Variants in LYPD6B observed in about 807,000 individuals in gnomAD.
The protein encoded by LYPD6B is ly6/PLAUR domain-containing protein 6B.
In LYPD6B, 17 loss-of-function variants were observed where a neutral mutation model predicts 22.8. The ratio of observed to expected loss-of-function variants is 0.75; its 90% CI spans 0.51 to 1.12. LYPD6B has a LOEUF of 1.12. Ranked by LOEUF, LYPD6B falls within the 50% of genes most tolerant of loss-of-function variation. The pLI is 0.00. For missense variants in LYPD6B, 221 were observed against 258.3 expected (o/e 0.86, Z 0.99); for synonymous variants, 106 against 91.6 (o/e 1.16, Z -0.90).
chr2:149,062,582 T>C (rs1684138527), intron 1 of LYPD6B, among the ~76,000 whole-genome samples: 1 of 152,148 alleles, frequency 6.6e-6, no homozygotes, highest in African/African-American at 2.4e-5. Flanking sequence ...GCCAAATGTA[T>C]ACCTGAGAAG....
intron 2 of LYPD6B, among the ~76,000 whole-genome samples, chr2:149,146,934 G>A (rs1297409765): frequency 2.6e-5 from 4 of 152,180 alleles, no homozygotes; most frequent in Non-Finnish European, 5.9e-5. Context: ...GAAAGTCGAG[G>A]TGCACACATG....
In LYPD6B at chr2:149,149,109, G is replaced by A. The variant is rs1689207450; in HGVS notation, c.6-11655G>A. On this transcript the variant is annotated intron_variant, in intron 2 of 6. Transcript: ENST00000409642. The stretch of plus-strand genomic sequence containing the variant: ...GGTGCGGGGAGGAAGAACATTCCAG[G>A]CATTTGGAGTTACGCAAGAATGACC... Among the ~76,000 whole-genome samples, 2 of 152,088 alleles carry A rather than the reference G, an allele frequency of 1.3e-5. 1 individual carries two copies. The highest frequency in any genetic ancestry group is 4.1e-4 in the South Asian group (2 of 4,820).
At chr2:149,087,230 T>A (rs1230485342) in intron 1 of LYPD6B, among the ~76,000 whole-genome samples, 1 of 152,154 alleles carries the variant, frequency 6.6e-6, no homozygotes, top group African/African-American at 2.4e-5. Context: ...TGTGCCACTT[T>A]CCCTTCTCCC....
At chr2:149,095,874 G>A (rs189239267) in intron 1 of LYPD6B, among the ~76,000 whole-genome samples, 99 of 151,976 alleles carry the variant, frequency 6.5e-4, no homozygotes, top group Non-Finnish European at 1.3e-3. Context: ...TAGGCAGACA[G>A]ACAGAGAGAT....
At chr2:149,212,366 G>A (rs1390079369) in intron 5 of LYPD6B, among the ~76,000 whole-genome samples, 9 of 88,008 alleles carry the variant, frequency 1.0e-4, no homozygotes, top group Non-Finnish European at 1.6e-4. Context: ...TGGGGACAGA[G>A]TAAGACTCCG....
chr2:149,149,658 A>T (rs1689245208), intron 2 of LYPD6B, among the ~76,000 whole-genome samples: 1 of 152,208 alleles, frequency 6.6e-6, no homozygotes, highest in Non-Finnish European at 1.5e-5. Flanking sequence ...GTGTTCCTTG[A>T]TTAAATTCTT....
chr2:149,113,370 G>C (rs924491381), intron 1 of LYPD6B, among the ~76,000 whole-genome samples: 1 of 152,126 alleles, frequency 6.6e-6, no homozygotes, highest in Non-Finnish European at 1.5e-5. Flanking sequence ...TTTGCTCAAA[G>C]ACTTGTGTTT....
chr2:149,107,734 T>C (rs1686547838), intron 1 of LYPD6B, among the ~76,000 whole-genome samples: 1 of 152,340 alleles, frequency 6.6e-6, no homozygotes, highest in Non-Finnish European at 1.5e-5. Flanking sequence ...AAAGAACATA[T>C]TTTCTATGAC....
intron 3 of LYPD6B, 36 bp downstream of exon 3, chr2:149,160,871 T>TC: frequency 6.9e-7 from 1 of 1,447,962 alleles, no homozygotes; most frequent in Non-Finnish European, 9.5e-7. Flanking sequence ...CCCTCGGCTT[T>TC]TCATTTGGGA....
At chr2:149,172,786 GCT>G (rs949396012) in intron 3 of LYPD6B, among the ~76,000 whole-genome samples, 1 of 151,992 alleles carries the variant, frequency 6.6e-6, no homozygotes, top group African/African-American at 2.4e-5. Flanking sequence ...GATTGAATTA[GCT>G]CTCTCTGCCT....
intron 1 of LYPD6B, among the ~76,000 whole-genome samples, chr2:149,120,335 ATGTG>A: frequency 8.2e-6 from 1 of 122,528 alleles, no homozygotes; most frequent in African/African-American, 3.2e-5. Flanking sequence ...GTATATATAT[ATGTG>A]TATATATATA....
intron 1 of LYPD6B, among the ~76,000 whole-genome samples, chr2:149,076,923 G>T (rs1417950442): frequency 6.6e-6 from 1 of 152,160 alleles, no homozygotes; most frequent in African/African-American, 2.4e-5. Flanking sequence ...GTTAAGATGT[G>T]CTGGGGTTAG....
intron 1 of LYPD6B, among the ~76,000 whole-genome samples, chr2:149,086,059 A>G (rs1056323260): frequency 6.6e-6 from 1 of 152,196 alleles, no homozygotes; most frequent in Admixed American, 6.5e-5. Flanking sequence ...AGCCTTTTCA[A>G]TGCATGGATG....
chr2:149,049,940 T>C (rs982654618), intron 1 of LYPD6B, among the ~76,000 whole-genome samples: 35 of 152,180 alleles, frequency 2.3e-4, no homozygotes, highest in African/African-American at 8.4e-4. Context: ...GGATTCACAG[T>C]AGCTAAGAGA....
intron 3 of LYPD6B, among the ~76,000 whole-genome samples, chr2:149,179,608 A>T (rs867219325): frequency 5.3e-5 from 8 of 152,212 alleles, no homozygotes; most frequent in African/African-American, 1.7e-4. Flanking sequence ...TTTTTAAACC[A>T]GGCATTCAGA....
intron 3 of LYPD6B, among the ~76,000 whole-genome samples, chr2:149,176,743 T>G (rs1691335515): frequency 6.6e-6 from 1 of 152,208 alleles, no homozygotes; most frequent in Non-Finnish European, 1.5e-5. Flanking sequence ...TGATAAGACC[T>G]GCCTGAGGGC....
chr2:149,135,249 TAAAA>T (rs36032140), intron 2 of LYPD6B, among the ~76,000 whole-genome samples: 20 of 136,830 alleles, frequency 1.5e-4, no homozygotes, highest in Admixed American at 1.5e-3. Flanking sequence ...TGTCTCAAAT[TAAAA>T]AAAAAAAAAA....
chr2:149,169,889 A>C (rs1377506516), intron 3 of LYPD6B, among the ~76,000 whole-genome samples: 1 of 152,184 alleles, frequency 6.6e-6, no homozygotes, highest in East Asian at 1.9e-4. Context: ...TCATCCCATC[A>C]TTACCACTCC....
intron 1 of LYPD6B, among the ~76,000 whole-genome samples, chr2:149,116,556 G>T (rs1022472242): frequency 3.9e-5 from 6 of 152,122 alleles, no homozygotes; most frequent in Non-Finnish European, 5.9e-5. Flanking sequence ...TATTCGATTT[G>T]AATCTGACCA....
Sources: allele counts gnomAD v4.1 joint callset (sites outside exome capture counted in the v4.1 genomes callset), GRCh38; gene constraint gnomAD v4.1.1; transcripts MANE v1.5; gene names NCBI Gene and HGNC (gene_info 2026-07-23, HGNC 2026-07-21).